Variants in IGF2R observed in about 807,000 individuals in gnomAD.
IGF2R encodes insulin like growth factor 2 receptor.
A neutral mutation model predicts 270.6 loss-of-function variants in IGF2R; 91 were observed. That is an observed-to-expected ratio of 0.34 (90% CI 0.28 to 0.40). The LOEUF (loss-of-function observed/expected upper bound fraction) is 0.40. IGF2R is among the 10% of genes least tolerant of loss of function. IGF2R has a pLI of 1.00. For synonymous variants in IGF2R, 1,316 were observed against 1,258.9 expected, an observed-to-expected ratio of 1.05 and a Z score of -0.96; for missense variants, 2,805 against 3,188.3, an observed-to-expected ratio of 0.88 and a Z score of 2.90.
At chr6:160,073,709 T>G in intron 34 of IGF2R, 48 bp from the exon 35 acceptor site, 1 of 1,512,598 alleles carries the variant, frequency 6.6e-7, no homozygotes, top group Non-Finnish European at 9.1e-7. Flanking sequence ...CTAGTGGTGA[T>G]TAGGAAAATT....
At position 160,109,028 on chromosome 6, in the gene IGF2R, T is replaced by G. The variant is rs1420444521; in HGVS notation, c.*3944T>G. 1 of 152,244 alleles carries G rather than the reference T, an allele frequency of 6.6e-6. No individual in the cohort carries two copies. The highest frequency in any genetic ancestry group is 1.5e-5 in the Non-Finnish European group (1 of 68,048). The allele number at this position is 152,244 out of a possible 1,614,324, so 9.4% of individuals were successfully genotyped here. A position where few individuals can be genotyped will look rare whatever the true frequency, so the allele number is the denominator to read the frequency against. On this transcript the variant is annotated 3_prime_UTR_variant, in exon 48 of 48. Transcript: ENST00000356956. The stretch of plus-strand genomic sequence containing the variant: ...CAGACTGAAGGTAGGCTGTGAATGG[T>G]CAGTTATTTGTATTTCTTTACCTTT...
intron 4 of IGF2R, among the ~76,000 whole-genome samples, chr6:160,017,764 T>C (rs1777340191): frequency 6.6e-6 from 1 of 152,136 alleles, no homozygotes; most frequent in Non-Finnish European, 1.5e-5. Flanking sequence ...AGAATAAGTT[T>C]CATGTATGAA....
intron 4 of IGF2R, among the ~76,000 whole-genome samples, chr6:160,016,411 G>A (rs570459621): frequency 1.3e-5 from 2 of 152,296 alleles, no homozygotes; most frequent in East Asian, 1.9e-4. Flanking sequence ...TGCCTTGCTG[G>A]CAGAACACAA....
At chr6:159,988,244 G>A (rs573860454) in intron 1 of IGF2R, among the ~76,000 whole-genome samples, 18 of 152,120 alleles carry the variant, frequency 1.2e-4, no homozygotes, top group Middle Eastern at 6.8e-3. Flanking sequence ...GGCCGGGCGC[G>A]GTGGCTCACG....
chr6:160,062,758 T>C, intron 26 of IGF2R, 139 bp downstream of exon 26: 1 of 577,930 alleles, frequency 1.7e-6, no homozygotes, highest in Non-Finnish European at 3.0e-6. Context: ...GGATAATTTC[T>C]TTTCCTTGAG....
intron 1 of IGF2R, among the ~76,000 whole-genome samples, chr6:159,974,682 C>T (rs747483693): frequency 2.0e-5 from 3 of 152,100 alleles, no homozygotes; most frequent in Non-Finnish European, 4.4e-5. Flanking sequence ...CTGGCCTCTA[C>T]TCACTAGATG....
intron 1 of IGF2R, among the ~76,000 whole-genome samples, chr6:159,970,730 A>G (rs1228895106): frequency 6.6e-6 from 1 of 152,250 alleles, no homozygotes; most frequent in Non-Finnish European, 1.5e-5. Flanking sequence ...GGTCAGGCTG[A>G]GAACAACATT....
chr6:160,089,386 C>A, intron 43 of IGF2R, 133 bp downstream of exon 43: 1 of 743,872 alleles, frequency 1.3e-6, no homozygotes, highest in Non-Finnish European at 2.1e-6. Context: ...GAGTCATCGT[C>A]ATCTTTTGCT....
rs1405867775 is a variant in IGF2R at position 160,084,773 on chromosome 6, C to T, written c.6069-222C>T. ...AGGGTGGCCGCAGGTGTGGACATTC[C>T]ACTCCGCGTGTGTCTGGTTGGTGAG... On this transcript the variant is annotated intron_variant, in intron 40 of 47. Coordinates refer to ENST00000356956, the MANE Select transcript of IGF2R (RefSeq NM_000876.4). This position sits in a 1 kb window ranked among gnomAD's most constrained non-coding sequence, Gnocchi z 4.6. Among the ~76,000 whole-genome samples, 2 of 152,132 alleles carry T rather than the reference C, an allele frequency of 1.3e-5. No individual in the cohort carries two copies. The highest frequency in any genetic ancestry group is 2.9e-5 in the Non-Finnish European group (2 of 68,022).
chr6:160,009,164 C>T, intron 3 of IGF2R, 30 bp downstream of exon 3: 1 of 1,566,506 alleles, frequency 6.4e-7, no homozygotes, highest in Non-Finnish European at 8.6e-7. Context: ...TGATGTATTT[C>T]TTTAAAAAAA....
rs796390237 is a variant in IGF2R at position 160,068,483 on chromosome 6, G to A, written c.4252+98G>A. On this transcript the variant is annotated intron_variant, in intron 30 of 47. Coordinates refer to ENST00000356956, the MANE Select transcript of IGF2R (RefSeq NM_000876.4). ...CTCCTCGTGGGGTGGTGGTTGTAGT[G>A]AGTGTATCACAGGCTGGCACTGGTG... is the stretch of plus-strand genomic sequence containing the variant. 17 of 1,539,236 alleles carry A rather than the reference G, an allele frequency of 1.1e-5. No homozygotes were observed. In the African/African-American group the frequency reaches 1.9e-4, roughly 17 times the overall value.
intron 30 of IGF2R, 139 bp downstream of exon 30, chr6:160,068,524 G>A (rs752769718): frequency 4.0e-4 from 567 of 1,416,258 alleles, no homozygotes; most frequent in Non-Finnish European, 4.4e-4. Flanking sequence ...GGGCCTCCTC[G>A]TGGGGTGGTG....
intron 1 of IGF2R, among the ~76,000 whole-genome samples, chr6:159,970,448 G>C (rs1583233950): frequency 6.6e-6 from 1 of 152,042 alleles, no homozygotes; most frequent in African/African-American, 2.4e-5. Flanking sequence ...GGGTTTATGG[G>C]GGGGGTTCTT....
chr6:160,048,789 G>C (rs1172416808), intron 18 of IGF2R, among the ~76,000 whole-genome samples: 1 of 152,242 alleles, frequency 6.6e-6, no homozygotes, highest in East Asian at 1.9e-4. Flanking sequence ...AAGGGCAGAG[G>C]AAGCACCGAA....
chr6:159,970,391 T>G (rs1275788529), intron 1 of IGF2R, among the ~76,000 whole-genome samples: 1 of 152,140 alleles, frequency 6.6e-6, no homozygotes, highest in Non-Finnish European at 1.5e-5. Flanking sequence ...CTTTTCAGAG[T>G]GAAACAAAGT....
At chr6:160,009,232 C>A in intron 3 of IGF2R, 98 bp downstream of exon 3, 1 of 1,053,016 alleles carries the variant, frequency 9.5e-7, no homozygotes, top group Non-Finnish European at 1.3e-6. Flanking sequence ...AATCAGTGAG[C>A]AAACTTAGAA....
At chr6:160,104,489 A>G (rs772468711) in intron 47 of IGF2R, among the ~76,000 whole-genome samples, 185 bp from the exon 48 acceptor site, 7 of 152,008 alleles carry the variant, frequency 4.6e-5, no homozygotes, top group Non-Finnish European at 8.8e-5. Flanking sequence ...CTCATTAGGA[A>G]CAGGAAGGTG....
At chr6:160,101,853 CCA>C (rs527458560) in intron 45 of IGF2R, among the ~76,000 whole-genome samples, 7 of 152,188 alleles carry the variant, frequency 4.6e-5, no homozygotes, top group Non-Finnish European at 5.9e-5. Flanking sequence ...CTGCTTTTTC[CCA>C]CAAGTGTGCA....
At position 160,089,264 on chromosome 6, in the gene IGF2R, C is replaced by CGTTGG. The variant is rs1779166270; in HGVS notation, c.6467+14_6467+15insGGGTT. 1 of 1,600,468 alleles carries CGTTGG rather than the reference C, an allele frequency of 6.2e-7. No individual in the cohort carries two copies. Among genetic ancestry groups the CGTTGG allele is most frequent in the Admixed American group, 1.7e-5 (1 of 58,908 alleles). On this transcript the variant is annotated intron_variant, in intron 43 of 47. Coordinates refer to ENST00000356956, the MANE Select transcript of IGF2R (RefSeq NM_000876.4). Reference sequence around the variant, plus strand: ...AGATATTTATTTTAAGTAAGTAAAACGTTTTCCTTCTGAGCTGTGAAATGT... The same window carrying CGTTGG: ...AGATATTTATTTTAAGTAAGTAAAACGTTGGGTTTTCCTTCTGAGCTGTGAAATGT...
Sources: allele counts gnomAD v4.1 joint callset (sites outside exome capture counted in the v4.1 genomes callset), GRCh38; gene constraint gnomAD v4.1.1; non-coding constraint Gnocchi (gnomAD v3.1); transcripts MANE v1.5; gene names NCBI Gene and HGNC (gene_info 2026-07-23, HGNC 2026-07-21).